RBKS: variants seen among roughly 807,000 people sequenced by gnomAD.
RBKS encodes ribokinase.
A neutral mutation model predicts 33.9 loss-of-function variants in RBKS; 33 were observed. The ratio of observed to expected loss-of-function variants is 0.97; its 90% CI spans 0.74 to 1.30. The LOEUF is 1.30. Among genes scored for constraint, RBKS ranks in the 50% most tolerant of loss-of-function variants. The pLI, the probability that RBKS is intolerant of heterozygous loss-of-function variation, is 0.00. For missense variants in RBKS, 361 were observed against 392.6 expected, an observed-to-expected ratio of 0.92 and a Z score of 0.68; for synonymous variants, 125 against 143.0, an observed-to-expected ratio of 0.87 and a Z score of 0.90.
rs574294146 is a variant in RBKS, at chr2:27,874,323, G to C, written c.90-15752C>G. On this transcript the variant is annotated intron_variant, in intron 1 of 7. Transcript: ENST00000302188. ...TTACAATTACTACATTCCAGACTCT[G>C]TGTGAAGTTCTGGAGATATTCAGAC... Among the ~76,000 whole-genome samples, 3 of 152,280 alleles carry C rather than the reference G, an allele frequency of 2.0e-5. No individual in the cohort carries two copies. In the East Asian group the frequency reaches 5.8e-4, roughly 29 times the overall value.
At chr2:27,875,770 C>A (rs1664302079) in intron 1 of RBKS, among the ~76,000 whole-genome samples, 1 of 152,050 alleles carries the variant, frequency 6.6e-6, no homozygotes, top group Non-Finnish European at 1.5e-5. Flanking sequence ...CACAAAAATG[C>A]TGGGGCTGAG....
chr2:27,791,320 C>T (rs1677516441), intron 7 of RBKS, among the ~76,000 whole-genome samples: 1 of 152,114 alleles, frequency 6.6e-6, no homozygotes, highest in East Asian at 1.9e-4. Context: ...CTGGAAGAGA[C>T]TGTCATTTTA....
intron 2 of RBKS, among the ~76,000 whole-genome samples, chr2:27,858,075 A>G (rs1573068013): frequency 1.3e-5 from 2 of 152,332 alleles, no homozygotes; most frequent in East Asian, 1.9e-4. Context: ...TTGTACCTCA[A>G]AAACAGTATG....
intron 1 of RBKS, among the ~76,000 whole-genome samples, chr2:27,859,235 T>A (rs1663923132): frequency 2.0e-5 from 3 of 152,332 alleles, no homozygotes; most frequent in South Asian, 4.1e-4. Flanking sequence ...AAGTTATTTT[T>A]AAATTTTTAT....
intron 7 of RBKS, 138 bp downstream of exon 7, chr2:27,827,429 G>T: frequency 1.5e-6 from 1 of 678,970 alleles, no homozygotes; most frequent in Non-Finnish European, 2.3e-6. Context: ...CAGTTCCCCT[G>T]CCTGGTTGTT....
intron 7 of RBKS, among the ~76,000 whole-genome samples, chr2:27,789,026 A>G (rs1677458122): frequency 6.6e-6 from 1 of 152,236 alleles, no homozygotes; most frequent in South Asian, 2.1e-4. Context: ...GAAATGACCT[A>G]GAATAGCCAA....
At chr2:27,782,760 GTTTC>G (rs897043901) in intron 7 of RBKS, 8 of 307,528 alleles carry the variant, frequency 2.6e-5, no homozygotes, top group Non-Finnish European at 5.0e-5. Flanking sequence ...TGTACTCTTT[GTTTC>G]TTTAATTTTA....
chr2:27,823,136 A>G (rs901355757), intron 7 of RBKS, among the ~76,000 whole-genome samples: 1 of 152,190 alleles, frequency 6.6e-6, no homozygotes, highest in Non-Finnish European at 1.5e-5. Context: ...GAGGGCGGAC[A>G]TGCACTCTCT....
chr2:27,847,214 C>A (rs1166550730), intron 3 of RBKS, 110 bp from the exon 4 acceptor site: 2 of 623,824 alleles, frequency 3.2e-6, no homozygotes, highest in Non-Finnish European at 5.7e-6. Flanking sequence ...TAACCTTTAA[C>A]CATCTGGAAT....
intron 1 of RBKS, among the ~76,000 whole-genome samples, chr2:27,872,442 A>G (rs1664235161): frequency 6.6e-6 from 1 of 152,170 alleles, no homozygotes; most frequent in Admixed American, 6.5e-5. Context: ...AGAAAAAAAG[A>G]CAGGAAAAGA....
intron 7 of RBKS, among the ~76,000 whole-genome samples, chr2:27,808,841 A>G (rs922386587): frequency 2.6e-5 from 4 of 152,098 alleles, no homozygotes; most frequent in Admixed American, 2.6e-4. Flanking sequence ...TCTATACCTC[A>G]TTCCACCCTC....
At chr2:27,883,357 G>A (rs1360062389) in intron 1 of RBKS, among the ~76,000 whole-genome samples, 7 of 152,092 alleles carry the variant, frequency 4.6e-5, no homozygotes, top group Non-Finnish European at 1.0e-4. Flanking sequence ...CTGCCACCAC[G>A]CCCAGCTAGT....
Position 27,890,106 on chromosome 2 carries a change from T to C in RBKS, c.89+151A>G. 1.6e-6 allele frequency: 1 copy of C among 627,658 alleles called. No individual in the cohort carries two copies. Among genetic ancestry groups the C allele is most frequent in the Non-Finnish European group, 2.8e-6 (1 of 362,182 alleles). The allele number at this position is 627,658 out of a possible 1,614,324, so 38.9% of individuals were successfully genotyped here. On this transcript the variant is annotated intron_variant, in intron 1 of 7. Transcript: ENST00000302188. The surrounding 1 kb of genome is among the most constrained non-coding windows in gnomAD (Gnocchi z 4.8). ...CTCAAGTTCTTTCATGCCAGGAAGG[T>C]AGGCTGAAGGCTTCGAAAACCTGCA...
chr2:27,798,979 A>G (rs1202777756), intron 7 of RBKS, among the ~76,000 whole-genome samples: 4 of 152,066 alleles, frequency 2.6e-5, no homozygotes, highest in Non-Finnish European at 4.4e-5. Flanking sequence ...TGAGGGTAGC[A>G]CGCCTGTCTT....
intron 7 of RBKS, 71 bp from the exon 8 acceptor site, chr2:27,781,859 A>G (rs56235654): frequency 3.8e-6 from 5 of 1,316,914 alleles, no homozygotes; most frequent in Non-Finnish European, 5.2e-6. Flanking sequence ...TATTTTAAAG[A>G]TATTTAAGTA....
At chr2:27,869,157 T>A (rs2148225253) in intron 1 of RBKS, among the ~76,000 whole-genome samples, 1 of 152,306 alleles carries the variant, frequency 6.6e-6, no homozygotes, top group African/African-American at 2.4e-5. Context: ...TCCAGAAATG[T>A]ACCTAAAGCT....
intron 7 of RBKS, among the ~76,000 whole-genome samples, chr2:27,796,288 T>A (rs1233636445): frequency 2.6e-5 from 4 of 152,218 alleles, no homozygotes; most frequent in Non-Finnish European, 5.9e-5. Flanking sequence ...GTGATTTTCC[T>A]GTAAGTCAAG....
chr2:27,821,352 T>A (rs1468517864), intron 7 of RBKS, among the ~76,000 whole-genome samples: 2 of 152,198 alleles, frequency 1.3e-5, no homozygotes, highest in Non-Finnish European at 2.9e-5. Flanking sequence ...TTGATTTTTT[T>A]AGTTGTAATT....
rs551370500 is a variant in RBKS, at chr2:27,806,085, C to T, written c.795+21482G>A. On this transcript the variant is annotated intron_variant, in intron 7 of 7. Transcript: ENST00000302188. ...TTTTTGTAGAGTCAGGGTTTTGCCA[C>T]GTTGCCCACGCTGGTCTCAAACATC... 8.6e-5 allele frequency among the ~76,000 whole-genome samples: 13 copies of T among 151,782 alleles called. No homozygotes were observed. In the East Asian group the frequency reaches 1.2e-3, roughly 14 times the overall value.
Sources: gnomAD v4.1 joint callset for allele counts (sites outside exome capture counted in the v4.1 genomes callset) on GRCh38, gnomAD v4.1.1 for gene constraint, Gnocchi (gnomAD v3.1) non-coding constraint, MANE v1.5 for transcripts, NCBI Gene and HGNC (gene_info 2026-07-23, HGNC 2026-07-21) for gene names.